SEC23A: variants seen among roughly 807,000 people sequenced by gnomAD.
The protein encoded by SEC23A is SEC23 homolog A, COPII component, also known as protein transport protein Sec23A.
Under a neutral mutation model 103.7 loss-of-function variants are expected in SEC23A, and 56 were observed. That is an observed-to-expected ratio of 0.54 (90% CI 0.44 to 0.67). The LOEUF (loss-of-function observed/expected upper bound fraction) is 0.67, where lower values mean the gene tolerates loss of function less well. Ranked by LOEUF, SEC23A falls within the 30% of genes least tolerant of loss-of-function variation. The pLI, the probability that SEC23A is intolerant of heterozygous loss-of-function variation, is 0.00. For synonymous variants in SEC23A, 281 were observed against 293.0 expected, an observed-to-expected ratio of 0.96 and a Z score of 0.42; for missense variants, 784 against 936.4, an observed-to-expected ratio of 0.84 and a Z score of 2.12.
At chr14:39,082,417 A>G (rs928298182) in intron 7 of SEC23A, among the ~76,000 whole-genome samples, 3 of 152,114 alleles carry the variant, frequency 2.0e-5, no homozygotes, top group African/African-American at 7.2e-5. Flanking sequence ...ATGGATGCTA[A>G]ACTAGTGGGT....
intron 7 of SEC23A, among the ~76,000 whole-genome samples, chr14:39,082,799 C>T (rs916833695): frequency 2.0e-5 from 3 of 152,118 alleles, no homozygotes; most frequent in Admixed American, 2.0e-4. Flanking sequence ...GATGCAAGAC[C>T]TGAATCAAAT....
intron 1 of SEC23A, among the ~76,000 whole-genome samples, chr14:39,099,752 C>T (rs572949351): frequency 1.2e-4 from 18 of 152,114 alleles, no homozygotes; most frequent in Non-Finnish European, 2.4e-4. Flanking sequence ...TTTCAGATTC[C>T]ACACTGCAAT....
intron 9 of SEC23A, among the ~76,000 whole-genome samples, chr14:39,069,918 ATTC>A (rs760012210): frequency 2.0e-5 from 3 of 152,152 alleles, no homozygotes; most frequent in Non-Finnish European, 4.4e-5. Context: ...GCAAACCCCA[ATTC>A]TTCTTTCCTG....
intron 7 of SEC23A, among the ~76,000 whole-genome samples, chr14:39,080,315 G>GA (rs1887180236): frequency 1.3e-5 from 2 of 151,648 alleles, no homozygotes; most frequent in Non-Finnish European, 2.9e-5. Flanking sequence ...CTAAAGAAAA[G>GA]AAAAAAACCA....
intron 1 of SEC23A, among the ~76,000 whole-genome samples, chr14:39,098,479 TA>T (rs1182232425): frequency 5.3e-5 from 8 of 151,954 alleles, no homozygotes; most frequent in African/African-American, 1.7e-4. Flanking sequence ...AAATTAAAAA[TA>T]AAAAAAATTT....
At chr14:39,062,039 G>A (rs1055709376) in intron 12 of SEC23A, among the ~76,000 whole-genome samples, 168 bp from the exon 13 acceptor site, 1 of 152,144 alleles carries the variant, frequency 6.6e-6, no homozygotes, top group African/African-American at 2.4e-5. Context: ...CAGAAGAGGA[G>A]AAATTAATTT....
At chr14:39,067,411 C>A in intron 9 of SEC23A, 115 bp from the exon 10 acceptor site, 6 of 1,116,536 alleles carry the variant, frequency 5.4e-6, no homozygotes, top group Non-Finnish European at 6.5e-6. Flanking sequence ...AGATATTTCC[C>A]AAAATGTGCT....
intron 11 of SEC23A, among the ~76,000 whole-genome samples, chr14:39,063,995 C>G (rs1017710955): frequency 1.9e-4 from 19 of 100,352 alleles, no homozygotes; most frequent in African/African-American, 4.9e-4. Context: ...GACTCCGTCT[C>G]AAAAAAAATA....
At chr14:39,071,221 G>GA (rs1053125127) in intron 9 of SEC23A, among the ~76,000 whole-genome samples, 1 of 152,118 alleles carries the variant, frequency 6.6e-6, no homozygotes, top group Non-Finnish European at 1.5e-5. Flanking sequence ...GTTATATAGG[G>GA]AAAATCCTAA....
rs1888131165 is a variant in SEC23A, at chr14:39,102,293, GA to G, written c.-22+738del. On this transcript the variant is annotated intron_variant, in intron 1 of 19. Transcript: ENST00000307712. ...TTCATTCACTACCAGAGGAGAAAGA[GA>G]AGGAAAACTCAACATGCATTTATAT... Among the ~76,000 whole-genome samples the G allele has an allele frequency of 3.9e-5, 6 of 151,994 alleles. No individual in the cohort carries two copies. The South Asian group carries it at 1.2e-3, about 31-fold the overall frequency.
At chr14:39,049,899 T>C (rs1885994427) in intron 14 of SEC23A, among the ~76,000 whole-genome samples, 1 of 151,816 alleles carries the variant, frequency 6.6e-6, no homozygotes, top group Non-Finnish European at 1.5e-5. Context: ...TTCACGCCAT[T>C]CTCCTGCCTC....
intron 15 of SEC23A, among the ~76,000 whole-genome samples, chr14:39,046,114 C>A (rs991472350): frequency 1.3e-5 from 2 of 152,154 alleles, no homozygotes; most frequent in African/African-American, 4.8e-5. Context: ...ATATGTCTTG[C>A]TTCCCCTTCG....
intron 4 of SEC23A, 36 bp from the exon 5 acceptor site, chr14:39,091,749 G>C: frequency 7.2e-7 from 1 of 1,394,722 alleles, no homozygotes; most frequent in Non-Finnish European, 1.0e-6. Flanking sequence ...AAAATATGTA[G>C]TTTAAAGCAC....
intron 14 of SEC23A, among the ~76,000 whole-genome samples, chr14:39,051,835 G>A (rs556195591): frequency 6.6e-6 from 1 of 152,184 alleles, no homozygotes; most frequent in South Asian, 2.1e-4. Flanking sequence ...GGGTGTGGTG[G>A]CACACACCTG....
intron 8 of SEC23A, 59 bp downstream of exon 8, chr14:39,075,876 T>G: frequency 1.4e-6 from 2 of 1,421,868 alleles, no homozygotes; most frequent in Admixed American, 3.4e-5. Context: ...ATTCTTCTTC[T>G]GCCAGCAAAT....
intron 16 of SEC23A, among the ~76,000 whole-genome samples, chr14:39,044,863 A>G (rs1885775574): frequency 6.6e-6 from 1 of 152,218 alleles, no homozygotes; most frequent in Non-Finnish European, 1.5e-5. Flanking sequence ...AGACGTAAAG[A>G]ATAATCATAT....
chr14:39,092,350 T>C lies in SEC23A; in HGVS notation c.366+191A>G, dbSNP rs907986995. ...AAATCACACCACCCTACCCAGTATC[T>C]TGGCCACCCATCAAATAAGTACAAC... On this transcript the variant is annotated intron_variant, in intron 4 of 19. Transcript: ENST00000307712. 2.6e-5 allele frequency among the ~76,000 whole-genome samples: 4 copies of C among 152,212 alleles called. No individual in the cohort carries two copies. The South Asian group carries it at 6.2e-4, about 24-fold the overall frequency.
intron 2 of SEC23A, among the ~76,000 whole-genome samples, chr14:39,094,460 T>C (rs1364212818): frequency 1.2e-4 from 13 of 106,616 alleles, no homozygotes; most frequent in South Asian, 3.3e-4. Context: ...TTTTTTTTTT[T>C]CCCCTCCTGT....
chr14:39,078,842 T>C (rs1010459677), intron 7 of SEC23A, among the ~76,000 whole-genome samples: 5 of 151,948 alleles, frequency 3.3e-5, no homozygotes, highest in Non-Finnish European at 5.9e-5. Context: ...TAAAGAGATA[T>C]AGAGGTCCAG....
Sources: allele counts gnomAD v4.1 joint callset (sites outside exome capture counted in the v4.1 genomes callset), GRCh38; gene constraint gnomAD v4.1.1; transcripts MANE v1.5; gene names NCBI Gene and HGNC (gene_info 2026-07-23, HGNC 2026-07-21).